Variants in FAM217A observed in about 807,000 individuals in gnomAD.
FAM217A encodes the protein protein FAM217A.
FAM217A carries 13 observed loss-of-function variants against 18.5 expected under a neutral mutation model. The ratio of observed to expected loss-of-function variants is 0.70; its 90% CI spans 0.46 to 1.12. FAM217A has a LOEUF of 1.12. Among genes scored for constraint, FAM217A ranks in the 50% most tolerant of loss-of-function variants. FAM217A has a pLI of 0.00. For synonymous variants in FAM217A, 161 were observed against 202.8 expected (o/e 0.79, Z 1.75); for missense variants, 560 against 575.4 (o/e 0.97, Z 0.27).
intron 6 of FAM217A, among the ~76,000 whole-genome samples, chr6:4,071,396 C>T (rs980615290): frequency 6.6e-6 from 1 of 152,178 alleles, no homozygotes; most frequent in Non-Finnish European, 1.5e-5. Context: ...ATATTAATAG[C>T]AAATGCCTGC....
In FAM217A at chr6:4,074,447, T is replaced by G. The variant is rs745552094; in HGVS notation, c.155A>C (p.Asn52Thr). Residue 52 changes from asparagine to threonine, a missense_variant, in exon 4 of 7, where the codon AAC becomes ACC. Physicochemically the swap from Asn to Thr is moderately conservative, Grantham distance 65. Coordinates refer to ENST00000274673, the MANE Select transcript of FAM217A (RefSeq NM_173563.3). ...GRDGAAGGKI[N>T]KNYLEIPVEQ... ...AAACCAAACATTCATCCTTACCTTG[T>G]TAATTTTGCCTGAAATGTGTATAAA... is the stretch of plus-strand genomic sequence containing the variant. 3 of 1,578,766 alleles carry G rather than the reference T, an allele frequency of 1.9e-6. No individual in the cohort carries two copies. The highest frequency in any genetic ancestry group is 2.6e-6 in the Non-Finnish European group (3 of 1,150,042).
At chr6:4,079,311 G>T (rs1225170181), upstream of FAM217A, 1 of 157,228 alleles carries the variant, frequency 6.4e-6, no homozygotes, top group Non-Finnish European at 1.4e-5. Context: ...GCCAGGGGAG[G>T]ACAACAAGCC....
chr6:4,083,758 T>C (rs554956327), upstream of FAM217A, among the ~76,000 whole-genome samples: 1 of 152,240 alleles, frequency 6.6e-6, no homozygotes, highest in East Asian at 1.9e-4. Flanking sequence ...TTCACCATAT[T>C]GGTCAGGCTG....
intron 6 of FAM217A, 118 bp downstream of exon 6, chr6:4,073,156 TC>T: frequency 1.3e-6 from 1 of 768,394 alleles, no homozygotes; most frequent in Non-Finnish European, 2.0e-6. Flanking sequence ...TGCCCACTAT[TC>T]CCACAGAATA....
chr6:4,078,829 C>T, intron 1 of FAM217A, 23 bp downstream of exon 1: 1 of 448,696 alleles, frequency 2.2e-6, no homozygotes, highest in South Asian at 4.1e-5. Flanking sequence ...CGGGATTCCC[C>T]GGGGCCGGGG....
rs754798270 is a variant in FAM217A at position 4,069,380 on chromosome 6, G to A, written c.843C>T (p.Thr281=). 3 of 1,614,160 alleles carry A rather than the reference G, an allele frequency of 1.9e-6. No homozygotes were observed. Among genetic ancestry groups the A allele is most frequent in the Non-Finnish European group, 2.5e-6 (3 of 1,180,028 alleles). ...NWKVTVDPAE[T]SVEHLITRLL... is the part of the protein sequence containing the mutation. ...AACGAGTTATCAAGTGTTCAACAGA[G>A]GTTTCTGCAGGGTCCACTGTCACTT... The change falls in exon 7 of 7, where the codon ACC becomes ACT. Residue 281 remains threonine, a synonymous_variant. Coordinates refer to ENST00000274673, the MANE Select transcript of FAM217A (RefSeq NM_173563.3).
upstream of FAM217A, chr6:4,079,683 A>C: frequency 2.3e-6 from 3 of 1,283,888 alleles, no homozygotes; most frequent in South Asian, 3.7e-5. Context: ...ACCGCCCGGT[A>C]CGTAGTCCTC....
upstream of FAM217A, chr6:4,079,552 T>C (rs141699727): frequency 8.2e-4 from 1,009 of 1,236,930 alleles, 1 homozygote; most frequent in Middle Eastern, 7.1e-3. Context: ...CTCCAGGCCC[T>C]TCCCTGGGCC....
In FAM217A at chr6:4,068,496, T is replaced by C. The variant is rs1581867719; in HGVS notation, c.*200A>G. The C allele has an allele frequency of 4.2e-6, 2 of 471,426 alleles. No individual in the cohort carries two copies. The highest frequency in any genetic ancestry group is 7.3e-6 in the Non-Finnish European group (2 of 273,768). The allele number at this position is 471,426 out of a possible 1,614,324, so 29.2% of individuals were successfully genotyped here. ...ACAACATGCAAAAGATTGTGAAATA[T>C]GTCAGTATAGAAGCCTGTGGGTTTA... On this transcript the variant is annotated 3_prime_UTR_variant, in exon 7 of 7. Transcript: ENST00000274673.
At position 4,068,730 on chromosome 6, in the gene FAM217A, T is replaced by G. The variant is rs1478076104; in HGVS notation, c.1493A>C (p.Lys498Thr). The change falls in exon 7 of 7, where the codon AAG (lysine) becomes ACG (threonine). Residue 498 changes from lysine to threonine, a missense_variant. Coordinates refer to ENST00000274673, the MANE Select transcript of FAM217A (RefSeq NM_173563.3). ...TTCAATGGGTGAGCAGCACTTATCC[T>G]TAGCAATAAGGGAAGGCGACAAACA... The part of the protein sequence containing the change: ...LNCLSPSLIA[K>T]DKCCSPIEQK 6.2e-7 allele frequency: 1 copy of G among 1,611,826 alleles called. No individual in the cohort carries two copies. The highest frequency in any genetic ancestry group is 2.2e-5 in the East Asian group (1 of 44,866).
intron 2 of FAM217A, among the ~76,000 whole-genome samples, chr6:4,075,211 G>A (rs1769700261): frequency 6.6e-6 from 1 of 152,154 alleles, no homozygotes; most frequent in Admixed American, 6.5e-5. Flanking sequence ...GCACGCACCT[G>A]TAATCCCAGC....
chr6:4,072,659 G>A (rs1195348086), intron 6 of FAM217A, among the ~76,000 whole-genome samples: 1 of 151,846 alleles, frequency 6.6e-6, no homozygotes. Context: ...TTACTCCAGA[G>A]GCTGAGGCAG....
rs1769886099 is a variant in FAM217A at position 4,077,337 on chromosome 6, C to T, written c.60+18G>A. On this transcript the variant is annotated intron_variant, in intron 2 of 6. Coordinates refer to ENST00000274673, the MANE Select transcript of FAM217A (RefSeq NM_173563.3). ...GAGCCGCTGCCCAAACACTCAAGTT[C>T]AACAGCGCCTGCCATACCTCCTGAG... is the stretch of plus-strand genomic sequence containing the variant. The T allele has an allele frequency of 6.2e-7, 1 of 1,614,056 alleles. No homozygotes were observed. Among genetic ancestry groups the T allele is most frequent in the Middle Eastern group, 1.7e-4 (1 of 6,060 alleles).
intron 1 of FAM217A, chr6:4,084,835 A>G (rs1770538605): frequency 1.4e-6 from 1 of 701,934 alleles, no homozygotes; most frequent in Admixed American, 2.0e-5. Flanking sequence ...AAGGAATTGC[A>G]TTTACCTAAA....
chr6:4,084,008 T>C (rs1159444574), upstream of FAM217A, among the ~76,000 whole-genome samples: 1 of 152,232 alleles, frequency 6.6e-6, no homozygotes, highest in Non-Finnish European at 1.5e-5. Context: ...ATTTAGCATA[T>C]GGTTTAGCGA....
At position 4,068,492 on chromosome 6, in the gene FAM217A, A is replaced by C; in HGVS notation, c.*204T>G. 2.2e-6 allele frequency: 1 copy of C among 458,012 alleles called. No homozygotes were observed. Among genetic ancestry groups the C allele is most frequent in the South Asian group, 5.9e-5 (1 of 17,050 alleles). The allele number at this position is 458,012 out of a possible 1,614,324, so 28.4% of individuals were successfully genotyped here. ...AAACACAACATGCAAAAGATTGTGA[A>C]ATATGTCAGTATAGAAGCCTGTGGG... On this transcript the variant is annotated 3_prime_UTR_variant, in exon 7 of 7. Transcript: ENST00000274673.
intron 1 of FAM217A, chr6:4,086,860 ATTAT>A (rs1379411411): frequency 2.5e-6 from 1 of 397,308 alleles, no homozygotes; most frequent in Admixed American, 4.4e-5. Flanking sequence ...GTGATTTAAG[ATTAT>A]TTAATACTTC....
At chr6:4,073,410 G>A in intron 5 of FAM217A, 23 bp downstream of exon 5, 1 of 1,599,568 alleles carries the variant, frequency 6.3e-7, no homozygotes, top group Non-Finnish European at 8.5e-7. Context: ...AATATTTTAA[G>A]GGTATGAAGA....
In FAM217A at chr6:4,073,458, G is replaced by A. The variant is rs564746939; in HGVS notation, c.209C>T (p.Ser70Leu). 3.0e-5 allele frequency: 49 copies of A among 1,613,240 alleles called. No individual in the cohort carries two copies. The highest frequency in any genetic ancestry group is 1.1e-4 in the African/African-American group (8 of 74,984). Residue 70 changes from serine (S) to leucine (L), a missense_variant, in exon 5 of 7, where the codon TCG becomes TTG. Transcript: ENST00000274673. ...CTGTGTACTTTTTTGACTATGCACC[G>A]ACAAATTAGGTTCTAGCATCAGTTG... ...VEQLMLEPNL[S>L]VHSQKSTQNS...
Sources: allele counts gnomAD v4.1 joint callset (sites outside exome capture counted in the v4.1 genomes callset), GRCh38; gene constraint gnomAD v4.1.1; transcripts MANE v1.5; gene names NCBI Gene and HGNC (gene_info 2026-07-23, HGNC 2026-07-21).